Variants in TMEM236 observed in about 807,000 individuals in gnomAD.
TMEM236 encodes the protein transmembrane protein 236.
In TMEM236, 11 loss-of-function variants were observed where a neutral mutation model predicts 14.7. The observed-to-expected ratio is 0.75, with a 90% CI of 0.47 to 1.24. The LOEUF (loss-of-function observed/expected upper bound fraction) is 1.24, where lower values mean the gene tolerates loss of function less well. Among genes scored for constraint, TMEM236 ranks in the 50% most tolerant of loss-of-function variants. The pLI, the probability that TMEM236 is intolerant of heterozygous loss-of-function variation, is 0.00. For missense variants in TMEM236, 464 were observed against 427.3 expected, an observed-to-expected ratio of 1.09 and a Z score of -0.76; for synonymous variants, 182 against 168.6, an observed-to-expected ratio of 1.08 and a Z score of -0.62.
chr10:17,786,787 TG>T (rs1425067528), intron 3 of TMEM236, among the ~76,000 whole-genome samples: 1 of 152,170 alleles, frequency 6.6e-6, no homozygotes, highest in Non-Finnish European at 1.5e-5. Context: ...CAACTTGAAT[TG>T]TATCTCCCAG....
chr10:17,789,380 C>T (rs1554835897), intron 3 of TMEM236, among the ~76,000 whole-genome samples: 1 of 152,166 alleles, frequency 6.6e-6, no homozygotes, highest in African/African-American at 2.4e-5. Flanking sequence ...TCTATTCTGT[C>T]CCAATTAATT....
intron 1 of TMEM236, among the ~76,000 whole-genome samples, chr10:17,765,595 C>T (rs36040355): frequency 0.53 from 80,138 of 152,012 alleles, 21,229 homozygotes; most frequent in South Asian, 0.6. Flanking sequence ...TAGACATTAC[C>T]ATTCTGAAAG....
chr10:17,792,966 G>A (rs1837950937), intron 3 of TMEM236, among the ~76,000 whole-genome samples: 1 of 152,152 alleles, frequency 6.6e-6, no homozygotes, highest in Non-Finnish European at 1.5e-5. Context: ...TGTGCTTGCT[G>A]GTCCCCTCCA....
rs1554836405 is a variant in TMEM236 at position 17,796,387 on chromosome 10, G to A, written c.939G>A (p.Gly313=). Residue 313 remains glycine (G), a synonymous_variant, in exon 4 of 4, where the codon GGG becomes GGA. Transcript: ENST00000377495. ...GACTTGGTTTAATCATTGCCCTGGG[G>A]ACTATCACACCCGTACTGGGCCTGT... is the stretch of plus-strand genomic sequence containing the variant. The part of the protein sequence containing the change: ...FVRLGLIIAL[G]TITPVLGLCK... The A allele has an allele frequency of 4.3e-6, 7 of 1,613,836 alleles. No homozygotes were observed. In the South Asian group the frequency reaches 7.7e-5, roughly 18 times the overall value.
intron 1 of TMEM236, among the ~76,000 whole-genome samples, chr10:17,764,422 C>T (rs1475571479): frequency 6.6e-6 from 1 of 152,158 alleles, no homozygotes; most frequent in Non-Finnish European, 1.5e-5. Flanking sequence ...TTTAGCCAAT[C>T]CTACTGTGGT....
chr10:17,781,984 A>C (rs1481530346), intron 3 of TMEM236, among the ~76,000 whole-genome samples: 4 of 152,202 alleles, frequency 2.6e-5, no homozygotes, highest in African/African-American at 9.6e-5. Flanking sequence ...GGACACTACC[A>C]TTTCTATGAA....
At chr10:17,766,111 T>G (rs1020222250) in intron 1 of TMEM236, among the ~76,000 whole-genome samples, 3 of 152,250 alleles carry the variant, frequency 2.0e-5, no homozygotes, top group Non-Finnish European at 4.4e-5. Context: ...TGAGAATTTG[T>G]CAAATCTTCA....
intron 2 of TMEM236, among the ~76,000 whole-genome samples, chr10:17,773,407 G>T (rs1490837707): frequency 1.3e-5 from 2 of 151,952 alleles, no homozygotes; most frequent in East Asian, 3.9e-4. Flanking sequence ...GTGTGATCTT[G>T]GCTCACTGCA....
rs1838047363 is a variant in TMEM236, at chr10:17,798,261, G to A, written c.*1757G>A. The stretch of plus-strand genomic sequence containing the variant: ...AAGCTTAAGAATTTGACATATGGCC[G>A]GCTGTGGTGGCTCACACGTGTAATC... On this transcript the variant is annotated 3_prime_UTR_variant, in exon 4 of 4. Coordinates refer to ENST00000377495, the MANE Select transcript of TMEM236 (RefSeq NM_001098844.3). 6 of 230,188 alleles carry A rather than the reference G, an allele frequency of 2.6e-5. No individual in the cohort carries two copies. The highest frequency in any genetic ancestry group is 1.2e-4 in the East Asian group (1 of 8,326). 14.3% of individuals were successfully genotyped at this position (230,188 alleles called of 1,614,324 possible).
At chr10:17,765,108 C>T (rs1837441352) in intron 1 of TMEM236, among the ~76,000 whole-genome samples, 2 of 152,124 alleles carry the variant, frequency 1.3e-5, no homozygotes, top group African/African-American at 2.4e-5. Flanking sequence ...GCACGAGCCA[C>T]CACGCCCAGC....
chr10:17,756,049 T>C (rs1837279587), intron 1 of TMEM236, among the ~76,000 whole-genome samples: 1 of 152,186 alleles, frequency 6.6e-6, no homozygotes, highest in African/African-American at 2.4e-5. Flanking sequence ...GGAGGATTGA[T>C]TGAAGCCCAG....
rs545811824 is a variant in TMEM236 at position 17,794,538 on chromosome 10, C to T, written c.473-1383C>T. Among the ~76,000 whole-genome samples the T allele has an allele frequency of 8.6e-5, 13 of 151,886 alleles. No individual in the cohort carries two copies. The East Asian group carries it at 2.5e-3, about 29-fold the overall frequency. On this transcript the variant is annotated intron_variant, in intron 3 of 3. Coordinates refer to ENST00000377495, the MANE Select transcript of TMEM236 (RefSeq NM_001098844.3). ...TGTATTATACATGGAGAGGAACACA[C>T]AGACACACACACGCACACACACACA...
chr10:17,778,764 A>G (rs1837698445), intron 3 of TMEM236, among the ~76,000 whole-genome samples: 1 of 152,214 alleles, frequency 6.6e-6, no homozygotes, highest in Non-Finnish European at 1.5e-5. Flanking sequence ...CATCCTAACC[A>G]TCTTCATTCC....
At chr10:17,791,008 A>G (rs1330833121) in intron 3 of TMEM236, among the ~76,000 whole-genome samples, 1 of 152,026 alleles carries the variant, frequency 6.6e-6, no homozygotes, top group African/African-American at 2.4e-5. Context: ...GGACCATAAG[A>G]CTCTCTATAA....
chr10:17,773,284 C>T (rs1315351297), intron 2 of TMEM236, among the ~76,000 whole-genome samples: 1 of 152,164 alleles, frequency 6.6e-6, no homozygotes, highest in Non-Finnish European at 1.5e-5. Flanking sequence ...ATTTCTATAG[C>T]ATCTCTATAG....
At chr10:17,767,988 C>A (rs1167619267) in intron 1 of TMEM236, among the ~76,000 whole-genome samples, 1 of 150,600 alleles carries the variant, frequency 6.6e-6, no homozygotes, top group East Asian at 1.9e-4. Context: ...TGGCTTGCTG[C>A]AACCTCTGCC....
chr10:17,788,197 A>T (rs973821624), intron 3 of TMEM236, among the ~76,000 whole-genome samples: 1 of 150,672 alleles, frequency 6.6e-6, no homozygotes, highest in African/African-American at 2.4e-5. Context: ...ATATATCATT[A>T]TAAGTAACAT....
At chr10:17,777,478 G>C (rs1339424827) in intron 3 of TMEM236, among the ~76,000 whole-genome samples, 3 of 150,994 alleles carry the variant, frequency 2.0e-5, no homozygotes, top group Non-Finnish European at 4.4e-5. Flanking sequence ...TTTTCAATTT[G>C]AGCTGGGGTC....
intron 1 of TMEM236, among the ~76,000 whole-genome samples, chr10:17,764,330 T>C (rs1837425396): frequency 6.6e-6 from 1 of 152,140 alleles, no homozygotes. Context: ...GCCAGTTTAT[T>C]ATGATGCACA....
Sources: gnomAD v4.1 joint callset for allele counts (sites outside exome capture counted in the v4.1 genomes callset) on GRCh38, gnomAD v4.1.1 for gene constraint, MANE v1.5 for transcripts, NCBI Gene and HGNC (gene_info 2026-07-23, HGNC 2026-07-21) for gene names.